Variants in VIT observed in about 807,000 individuals in gnomAD.
VIT encodes the protein vitrin.
A neutral mutation model predicts 78.0 loss-of-function variants in VIT; 99 were observed. The ratio of observed to expected loss-of-function variants is 1.27; its 90% CI spans 1.08 to 1.50. The LOEUF is 1.50. Among genes scored for constraint, VIT ranks in the 40% most tolerant of loss-of-function variants. The probability of loss-of-function intolerance (pLI) is 0.00; values close to 1 mark genes in which losing one functional copy is unlikely to be tolerated. For synonymous variants in VIT, 374 were observed against 334.3 expected, an observed-to-expected ratio of 1.12 and a Z score of -1.29; for missense variants, 1,126 against 875.3, an observed-to-expected ratio of 1.29 and a Z score of -3.61.
At chr2:36,708,110 T>TCCCC (rs141908586) in intron 1 of VIT, among the ~76,000 whole-genome samples, 257 of 137,646 alleles carry the variant, frequency 1.9e-3, no homozygotes, top group Non-Finnish European at 2.8e-3. Context: ...GTAAAGGACC[T>TCCCC]CCCCCCCCCG....
chr2:36,698,138 A>T lies in VIT; in HGVS notation c.-19+1165A>T, dbSNP rs1280347225. On this transcript the variant is annotated intron_variant, in intron 1 of 15. Coordinates refer to ENST00000379242, the MANE Select transcript of VIT (RefSeq NM_053276.4). ...AAAGCTTTAGACAAAGAATTACAAGATTGCAAAGACTTGCATTTTTTTATT... is the reference window on the plus strand; with the variant it reads ...AAAGCTTTAGACAAAGAATTACAAGTTTGCAAAGACTTGCATTTTTTTATT... Among the ~76,000 whole-genome samples the T allele has an allele frequency of 1.0e-4, 7 of 68,138 alleles. No individual in the cohort carries two copies. In the Admixed American group the frequency reaches 1.4e-3, roughly 13 times the overall value. 44.7% of individuals were successfully genotyped at this position (68,138 alleles called of 152,430 possible).
intron 3 of VIT, among the ~76,000 whole-genome samples, chr2:36,732,577 G>C (rs1667274767): frequency 6.6e-6 from 1 of 151,980 alleles, no homozygotes; most frequent in Non-Finnish European, 1.5e-5. Flanking sequence ...TGCTGGGGGA[G>C]GTGACTGATG....
intron 9 of VIT, among the ~76,000 whole-genome samples, chr2:36,775,870 A>G (rs776102593): frequency 5.9e-5 from 9 of 152,292 alleles, no homozygotes; most frequent in Non-Finnish European, 1.2e-4. Context: ...AGGGGAAGGA[A>G]GCCATTTGCA....
At chr2:36,714,535 T>C (rs1178007703) in intron 1 of VIT, among the ~76,000 whole-genome samples, 1 of 152,140 alleles carries the variant, frequency 6.6e-6, no homozygotes, top group African/African-American at 2.4e-5. Context: ...ACCATGGCAC[T>C]GGAGGGAGGG....
chr2:36,781,801 G>A (rs746208813), intron 10 of VIT, 30 bp downstream of exon 10: 19 of 1,613,584 alleles, frequency 1.2e-5, no homozygotes, highest in Admixed American at 5.0e-5. Flanking sequence ...TCTCAGCCAC[G>A]CGTGGATCAA....
intron 7 of VIT, among the ~76,000 whole-genome samples, chr2:36,770,712 C>G (rs1669694534): frequency 6.6e-6 from 1 of 152,168 alleles, no homozygotes; most frequent in South Asian, 2.1e-4. Flanking sequence ...ACAGAAAATC[C>G]CTCCAGGTTC....
At chr2:36,785,282 C>T (rs1558570441) in intron 11 of VIT, among the ~76,000 whole-genome samples, 1 of 152,200 alleles carries the variant, frequency 6.6e-6, no homozygotes, top group African/African-American at 2.4e-5. Context: ...AAATGCACGT[C>T]TGTCTCTATA....
chr2:36,709,784 G>C (rs1323352340), intron 1 of VIT, among the ~76,000 whole-genome samples: 1 of 152,174 alleles, frequency 6.6e-6, no homozygotes, highest in Non-Finnish European at 1.5e-5. Flanking sequence ...GGTCAAAAGA[G>C]AGGATTACTC....
chr2:36,722,047 G>A lies in VIT; in HGVS notation c.52+5625G>A, dbSNP rs545617693. On this transcript the variant is annotated intron_variant, in intron 2 of 15. Transcript: ENST00000379242. The stretch of plus-strand genomic sequence containing the variant: ...TAAACAAATAATTGTCCTTAAGGAC[G>A]CTGGATTTTTAAGGTATCGGAGCCA... Among the ~76,000 whole-genome samples the A allele has an allele frequency of 3.9e-5, 6 of 152,304 alleles. No homozygotes were observed. In the East Asian group the frequency reaches 5.8e-4, roughly 15 times the overall value.
Position 36,739,552 on chromosome 2 carries a change from C to A in VIT, c.119-3548C>A, listed in dbSNP as rs549621508. ...GAGATCACTACAGCGGACACATGAA[C>A]CTCAGTGACCTAAAGGTAATCCTAC... On this transcript the variant is annotated intron_variant, in intron 3 of 15. Transcript: ENST00000379242. 8.6e-4 allele frequency among the ~76,000 whole-genome samples: 131 copies of A among 152,292 alleles called. 1 individual carries two copies. The highest frequency in any genetic ancestry group is 3.1e-3 in the African/African-American group (128 of 41,556).
intron 2 of VIT, among the ~76,000 whole-genome samples, chr2:36,717,364 G>GTC (rs1396843164): frequency 2.1e-5 from 3 of 140,402 alleles, no homozygotes; most frequent in South Asian, 2.3e-4. Flanking sequence ...GTGTGTGTGT[G>GTC]TGTGTGTGTG....
At position 36,758,945 on chromosome 2, in the gene VIT, GTTTT is replaced by G. The variant is rs199720074; in HGVS notation, c.410-17_410-14del. On this transcript the variant is annotated intron_variant, in intron 5 of 15. Transcript: ENST00000379242. ...ACCTCTAGCTCTAGAAATAAATCTCGTTTTTTTTTTCTCTTTTTTGCAGAAAGTA... is the reference window on the plus strand; with the variant it reads ...ACCTCTAGCTCTAGAAATAAATCTCGTTTTTTCTCTTTTTTGCAGAAAGTA... 4 of 1,393,236 alleles carry G rather than the reference GTTTT, an allele frequency of 2.9e-6. No homozygotes were observed. Among genetic ancestry groups the G allele is most frequent in the Non-Finnish European group, 3.9e-6 (4 of 1,016,928 alleles). The allele number at this position is 1,393,236 out of a possible 1,614,324, so 86.3% of individuals were successfully genotyped here. A position where few individuals can be genotyped will look rare whatever the true frequency, so the allele number is the denominator to read the frequency against.
intron 15 of VIT, among the ~76,000 whole-genome samples, chr2:36,812,825 C>A (rs555098369): frequency 2.0e-5 from 3 of 151,522 alleles, no homozygotes; most frequent in Admixed American, 6.6e-5. Flanking sequence ...CTGTTCTCAC[C>A]AAACTACCAG....
At chr2:36,771,267 C>T (rs377301633) in intron 7 of VIT, among the ~76,000 whole-genome samples, 5 of 152,146 alleles carry the variant, frequency 3.3e-5, no homozygotes, top group Admixed American at 6.5e-5. Flanking sequence ...CGGTGGCTCA[C>T]GCCTGTAATC....
chr2:36,754,869 C>T (rs867910240), intron 4 of VIT, 52 bp from the exon 5 acceptor site: 33 of 1,580,966 alleles, frequency 2.1e-5, no homozygotes, highest in South Asian at 5.8e-5. Context: ...CTGTTGATCA[C>T]GTCAAAAAAT....
rs1035694918 is a variant in VIT, at chr2:36,805,659, A to G, written c.1384A>G (p.Asn462Asp). ...GTATGTGGTGGAGCCCAACTTTGCA[A>G]ACAAGGTAGATGACTGCCCGGAGAC... is the stretch of plus-strand genomic sequence containing the variant. Reference protein sequence around the residue: ...KQYVVEPNFANKAVCRTNGFY... With the variant: ...KQYVVEPNFADKAVCRTNGFY... The change falls in exon 14 of 16, where the codon AAC (asparagine) becomes GAC (aspartate). Residue 462 changes from asparagine to aspartate, a missense_variant. By Grantham distance (23) the Asn-to-Asp change is conservative. Coordinates refer to ENST00000379242, the MANE Select transcript of VIT (RefSeq NM_053276.4). The G allele has an allele frequency of 6.2e-7, 1 of 1,613,128 alleles. No homozygotes were observed. Among genetic ancestry groups the G allele is most frequent in the African/African-American group, 1.3e-5 (1 of 74,932 alleles).
chr2:36,791,628 CAGAG>C, intron 12 of VIT, among the ~76,000 whole-genome samples: 2 of 152,244 alleles, frequency 1.3e-5, no homozygotes, highest in Non-Finnish European at 2.9e-5. Flanking sequence ...GAAGCATAGT[CAGAG>C]AGATGTGACA....
chr2:36,717,335 TGTGTG>T (rs1558510576), intron 2 of VIT, among the ~76,000 whole-genome samples: 2 of 1,622 alleles, frequency 1.2e-3, no homozygotes, highest in Admixed American at 0.014. Context: ...GCCTGGCTAA[TGTGTG>T]TGTGTGTGTG....
At chr2:36,754,081 T>C (rs1057421354) in intron 4 of VIT, among the ~76,000 whole-genome samples, 10 of 152,206 alleles carry the variant, frequency 6.6e-5, no homozygotes, top group Non-Finnish European at 1.2e-4. Flanking sequence ...AATTAAGTGC[T>C]TTACATGTTG....
Sources: allele counts gnomAD v4.1 joint callset (sites outside exome capture counted in the v4.1 genomes callset), GRCh38; gene constraint gnomAD v4.1.1; transcripts MANE v1.5; gene names NCBI Gene and HGNC (gene_info 2026-07-23, HGNC 2026-07-21).